Variants in SOX13 observed in about 807,000 individuals in gnomAD.
SOX13 encodes the protein SRY-box transcription factor 13.
SOX13 carries 28 observed loss-of-function variants against 71.8 expected under a neutral mutation model. That is an observed-to-expected ratio of 0.39 (90% confidence interval 0.29 to 0.53). SOX13 has a LOEUF of 0.53. Among genes scored for constraint, SOX13 ranks in the 20% least tolerant of loss-of-function variants. The probability of loss-of-function intolerance (pLI) is 0.70; values close to 1 mark genes in which losing one functional copy is unlikely to be tolerated. For synonymous variants in SOX13, 309 were observed against 317.8 expected, an observed-to-expected ratio of 0.97 and a Z score of 0.29; for missense variants, 627 against 810.3, an observed-to-expected ratio of 0.77 and a Z score of 2.75.
At chr1:204,104,308 A>AC (rs1182485939) in intron 1 of SOX13, among the ~76,000 whole-genome samples, 1 of 151,820 alleles carries the variant, frequency 6.6e-6, no homozygotes, top group East Asian at 1.9e-4. Context: ...TGGATCTGAT[A>AC]CCCCCCAGGG....
At chr1:204,117,467 G>T in intron 6 of SOX13, 126 bp from the exon 7 acceptor site, 1 of 696,810 alleles carries the variant, frequency 1.4e-6, no homozygotes. Flanking sequence ...GGATCCTTTG[G>T]AAAACTGTCC....
rs921724268 is a variant in SOX13 at position 204,125,731 on chromosome 1, G to A, written c.1593-127G>A. Reference sequence around the variant, plus strand: ...GCCATCAGAAAGCAGGCTGGGGGCAGGGTATATAAGTCACAGCCAAGAGTG... The same window carrying A: ...GCCATCAGAAAGCAGGCTGGGGGCAAGGTATATAAGTCACAGCCAAGAGTG... On this transcript the variant is annotated intron_variant, in intron 13 of 13. Transcript: ENST00000367204. 1.8e-5 allele frequency: 19 copies of A among 1,056,366 alleles called. No individual in the cohort carries two copies. In the African/African-American group the frequency reaches 3.0e-4, roughly 17 times the overall value. The allele number at this position is 1,056,366 out of a possible 1,614,324, so 65.4% of individuals were successfully genotyped here.
In SOX13 at chr1:204,121,305, G is replaced by A. The variant is rs576701153; in HGVS notation, c.776-595G>A. 1.3e-4 allele frequency among the ~76,000 whole-genome samples: 20 copies of A among 152,230 alleles called. No homozygotes were observed. The East Asian group carries it at 3.9e-3, about 29-fold the overall frequency. On this transcript the variant is annotated intron_variant, in intron 7 of 13. Coordinates refer to ENST00000367204, the MANE Select transcript of SOX13 (RefSeq NM_005686.3). Reference sequence around the variant, plus strand: ...CCTGGCTTCAATTCTTAATAATAGAGATGGGGGTCTTGCTATGTTGACCAG... The same window carrying A: ...CCTGGCTTCAATTCTTAATAATAGAAATGGGGGTCTTGCTATGTTGACCAG...
chr1:204,100,885 C>T lies in SOX13; in HGVS notation c.-1-12030C>T, dbSNP rs951389437. On this transcript the variant is annotated intron_variant, in intron 1 of 13. Transcript: ENST00000367204. ...CTTAGGCTTAAGCGGGCTGTGCCAA[C>T]GGGAGGCCGGTGTGCCAGTCTGGCC... Among the ~76,000 whole-genome samples the T allele has an allele frequency of 2.6e-5, 4 of 152,124 alleles. 1 individual carries two copies. In the East Asian group the frequency reaches 5.8e-4, roughly 22 times the overall value.
intron 1 of SOX13, among the ~76,000 whole-genome samples, chr1:204,087,644 G>A (rs994640400): frequency 1.3e-5 from 2 of 152,254 alleles, no homozygotes; most frequent in African/African-American, 4.8e-5. Flanking sequence ...TGCAACTTGG[G>A]AAGGAGCATT....
chr1:204,093,527 G>T (rs989041037), intron 1 of SOX13, among the ~76,000 whole-genome samples: 1 of 152,236 alleles, frequency 6.6e-6, no homozygotes, highest in African/African-American at 2.4e-5. Flanking sequence ...CATGGGTGTG[G>T]GGGGCCACCC....
chr1:204,125,769 G>A (rs772067636), intron 13 of SOX13, 89 bp from the exon 14 acceptor site: 455 of 1,377,656 alleles, frequency 3.3e-4, no homozygotes, highest in Non-Finnish European at 4.1e-4. Context: ...TGGAGTGGGA[G>A]TGCATGCTCT....
intron 1 of SOX13, among the ~76,000 whole-genome samples, chr1:204,086,195 G>A (rs529415035): frequency 3.3e-5 from 5 of 152,294 alleles, no homozygotes; most frequent in East Asian, 1.9e-4. Flanking sequence ...CTCCAGGGTC[G>A]GGTGCCAGCT....
Position 204,110,151 on chromosome 1 carries a change from A to G in SOX13, c.-1-2764A>G, listed in dbSNP as rs184180312. Among the ~76,000 whole-genome samples, 432 of 151,726 alleles carry G rather than the reference A, an allele frequency of 2.8e-3. 1 individual carries two copies. Among genetic ancestry groups the G allele is most frequent in the Admixed American group, 8.4e-3 (128 of 15,230 alleles). The stretch of plus-strand genomic sequence containing the variant: ...CTGGCCAGTTGTTATCATTTCTGAG[A>G]TAGGGCCTTGCTCTGTCACCTTGAC... On this transcript the variant is annotated intron_variant, in intron 1 of 13. Coordinates refer to ENST00000367204, the MANE Select transcript of SOX13 (RefSeq NM_005686.3).
intron 1 of SOX13, among the ~76,000 whole-genome samples, chr1:204,079,360 T>C (rs981299599): frequency 1.7e-4 from 25 of 149,524 alleles, no homozygotes; most frequent in African/African-American, 6.1e-4. Flanking sequence ...TTTTTTTTTT[T>C]TTTGAGACAG....
chr1:204,083,268 C>T (rs1655944823), intron 1 of SOX13, among the ~76,000 whole-genome samples: 1 of 152,114 alleles, frequency 6.6e-6, no homozygotes, highest in African/African-American at 2.4e-5. Context: ...CAATTGGCCA[C>T]AGGTGTAAGG....
intron 9 of SOX13, 52 bp downstream of exon 9, chr1:204,122,451 G>A (rs933872245): frequency 4.7e-6 from 7 of 1,474,204 alleles, no homozygotes; most frequent in South Asian, 2.4e-5. Flanking sequence ...GGGGAGAGCC[G>A]GCGGCATGAT....
chr1:204,106,056 A>T (rs77980904), intron 1 of SOX13, among the ~76,000 whole-genome samples: 2 of 152,220 alleles, frequency 1.3e-5, no homozygotes, highest in Non-Finnish European at 2.9e-5. Flanking sequence ...CATGCTGTGT[A>T]ACAAAGGAGT....
At chr1:204,091,073 C>T (rs1656132037) in intron 1 of SOX13, among the ~76,000 whole-genome samples, 1 of 152,228 alleles carries the variant, frequency 6.6e-6, no homozygotes, top group African/African-American at 2.4e-5. Context: ...GCTGAAGCTG[C>T]TCTCTCATTG....
At chr1:204,090,906 G>T (rs1050350155) in intron 1 of SOX13, among the ~76,000 whole-genome samples, 2 of 152,186 alleles carry the variant, frequency 1.3e-5, no homozygotes, top group African/African-American at 4.8e-5. Context: ...GCCCTGTGGG[G>T]TGGGAAGGGA....
At chr1:204,095,453 C>G (rs184936812) in intron 1 of SOX13, among the ~76,000 whole-genome samples, 1 of 152,226 alleles carries the variant, frequency 6.6e-6, no homozygotes, top group Non-Finnish European at 1.5e-5. Flanking sequence ...GGTCTTGCTG[C>G]TTCTAGACAC....
chr1:204,119,499 C>T (rs181195208), intron 7 of SOX13: 1 of 152,088 alleles, frequency 6.6e-6, no homozygotes, highest in Non-Finnish European at 1.5e-5. Flanking sequence ...AGGCACCTCC[C>T]AAAGGTCCCA....
Position 204,122,966 on chromosome 1 carries a change from A to G in SOX13, c.1134+3A>G, listed in dbSNP as rs1279721653. The G allele has an allele frequency of 3.2e-6, 5 of 1,573,608 alleles. No homozygotes were observed. In the East Asian group the frequency reaches 9.1e-5, roughly 29 times the overall value. Reference sequence around the variant, plus strand: ...CCCCCAACACCCCCTTCCGTAAGGTATGGTCCCCCACTCCCTTGAGCCTAG... The same window carrying G: ...CCCCCAACACCCCCTTCCGTAAGGTGTGGTCCCCCACTCCCTTGAGCCTAG... On this transcript the variant is annotated splice_donor_region_variant and intron_variant, in intron 10 of 13. Coordinates refer to ENST00000367204, the MANE Select transcript of SOX13 (RefSeq NM_005686.3).
chr1:204,089,881 C>A (rs1032391914), intron 1 of SOX13, among the ~76,000 whole-genome samples: 4 of 152,220 alleles, frequency 2.6e-5, no homozygotes, highest in African/African-American at 9.6e-5. Flanking sequence ...CATTCTCTTC[C>A]CAACTGTGGC....
Sources: allele counts gnomAD v4.1 joint callset (sites outside exome capture counted in the v4.1 genomes callset), GRCh38; gene constraint gnomAD v4.1.1; transcripts MANE v1.5; gene names NCBI Gene and HGNC (gene_info 2026-07-23, HGNC 2026-07-21).